Variants in ROBO2 observed in about 807,000 individuals in gnomAD.
ROBO2 encodes the protein roundabout guidance receptor 2.
ROBO2 carries 53 observed loss-of-function variants against 160.8 expected under a neutral mutation model. That is an observed-to-expected ratio of 0.33 (90% confidence interval 0.26 to 0.41). The LOEUF is 0.41. ROBO2 is among the 10% of genes least tolerant of loss of function. The pLI is 1.00. For missense variants in ROBO2, 1,577 were observed against 1,722.4 expected (o/e 0.92, Z 1.49); for synonymous variants, 664 against 611.7 (o/e 1.09, Z -1.26).
chr3:76,093,428 C>T (rs1315149162), intron 2 of ROBO2, among the ~76,000 whole-genome samples: 4 of 148,930 alleles, frequency 2.7e-5, no homozygotes, highest in Non-Finnish European at 5.9e-5. Context: ...CAAATATTTA[C>T]TAGCAGTCAC....
intron 2 of ROBO2, among the ~76,000 whole-genome samples, chr3:76,611,910 C>T (rs1487598786): frequency 6.6e-6 from 1 of 151,986 alleles, no homozygotes. Context: ...ATAAACTTTC[C>T]TCTTGGTACT....
intron 2 of ROBO2, among the ~76,000 whole-genome samples, chr3:75,945,581 TC>T (rs144022174): frequency 0.062 from 9,488 of 152,178 alleles, 743 homozygotes; most frequent in African/African-American, 0.19. Context: ...TTTGCTTTAT[TC>T]TCTTGCAATT....
intron 2 of ROBO2, among the ~76,000 whole-genome samples, chr3:75,982,461 C>T (rs1308771704): frequency 6.6e-6 from 1 of 151,478 alleles, no homozygotes; most frequent in Non-Finnish European, 1.5e-5. Context: ...TGAATAAAAG[C>T]CATTTTAACT....
chr3:77,441,337 T>C (rs1030690929), intron 2 of ROBO2, among the ~76,000 whole-genome samples: 1 of 151,770 alleles, frequency 6.6e-6, no homozygotes, highest in Non-Finnish European at 1.5e-5. Flanking sequence ...TGAAATATTA[T>C]TGTTTCATTT....
chr3:76,935,458 T>G (rs559113034), intron 2 of ROBO2, among the ~76,000 whole-genome samples: 5 of 152,248 alleles, frequency 3.3e-5, no homozygotes, highest in Non-Finnish European at 7.3e-5. Flanking sequence ...TGCATTTAGA[T>G]CTCATGTCTT....
intron 1 of ROBO2, among the ~76,000 whole-genome samples, chr3:77,048,949 T>C (rs950009601): frequency 1.3e-5 from 2 of 152,170 alleles, no homozygotes; most frequent in African/African-American, 2.4e-5. Context: ...TTCCAAGGTC[T>C]CCATGAACCT....
chr3:77,211,692 G>T (rs1371681206), intron 2 of ROBO2, among the ~76,000 whole-genome samples: 2 of 152,120 alleles, frequency 1.3e-5, no homozygotes, highest in East Asian at 1.9e-4. Context: ...TTCTTCTAGG[G>T]TTTTTATGGT....
chr3:76,701,887 G>A (rs114528095), intron 2 of ROBO2, among the ~76,000 whole-genome samples: 4 of 150,382 alleles, frequency 2.7e-5, no homozygotes, highest in African/African-American at 4.9e-5. Context: ...TATGTTTAAA[G>A]AAGTTGTTCG....
At chr3:76,437,228 TAAGGAAAAACATTTTATATA>T (rs2076722674) in intron 2 of ROBO2, among the ~76,000 whole-genome samples, 1 of 152,168 alleles carries the variant, frequency 6.6e-6, no homozygotes. Flanking sequence ...TTTGGTATTT[TAAGGAAAAACATTTTATATA>T]AAGGAATCAC....
intron 8 of ROBO2, among the ~76,000 whole-genome samples, chr3:77,556,880 A>C (rs1410514603): frequency 6.6e-6 from 1 of 151,876 alleles, no homozygotes; most frequent in Admixed American, 6.6e-5. Flanking sequence ...ATAATTAACC[A>C]AAGTCTATGC....
chr3:77,595,562 A>G (rs1269551259), intron 18 of ROBO2, among the ~76,000 whole-genome samples: 2 of 152,200 alleles, frequency 1.3e-5, no homozygotes, highest in Non-Finnish European at 2.9e-5. Context: ...CACAAAGTAA[A>G]TGATTCATGG....
chr3:77,434,431 A>G (rs759282320), intron 2 of ROBO2, among the ~76,000 whole-genome samples: 4 of 152,152 alleles, frequency 2.6e-5, no homozygotes, highest in Non-Finnish European at 4.4e-5. Flanking sequence ...AGAGCTGTAT[A>G]GTTCTGTTTA....
chr3:77,544,920 TG>T (rs753679492), intron 6 of ROBO2, among the ~76,000 whole-genome samples: 60 of 152,112 alleles, frequency 3.9e-4, no homozygotes, highest in Non-Finnish European at 7.8e-4. Context: ...CCAATGATAC[TG>T]CCTACTGTCT....
At chr3:77,460,990 A>C (rs879544404) in intron 2 of ROBO2, among the ~76,000 whole-genome samples, 4 of 152,176 alleles carry the variant, frequency 2.6e-5, no homozygotes, top group African/African-American at 4.8e-5. Context: ...AATATTGAAA[A>C]GGAAATAATG....
chr3:77,460,152 G>A (rs527450822), intron 2 of ROBO2, among the ~76,000 whole-genome samples: 76 of 152,118 alleles, frequency 5.0e-4, no homozygotes, highest in African/African-American at 1.8e-3. Flanking sequence ...AGGAAAATCG[G>A]GTGGATTCTG....
intron 2 of ROBO2, among the ~76,000 whole-genome samples, chr3:76,650,331 C>G (rs550079908): frequency 6.6e-6 from 1 of 152,078 alleles, no homozygotes; most frequent in Admixed American, 6.6e-5. Flanking sequence ...AGACAGCGTG[C>G]CTTCGTTCTT....
At chr3:76,732,997 G>GT (rs879689312) in intron 2 of ROBO2, among the ~76,000 whole-genome samples, 1 of 130,232 alleles carries the variant, frequency 7.7e-6, no homozygotes, top group Non-Finnish European at 1.6e-5. Context: ...CTGGGGGTGG[G>GT]GGGGGGAGGT....
intron 2 of ROBO2, among the ~76,000 whole-genome samples, chr3:76,462,080 A>G (rs2078116353): frequency 6.6e-6 from 1 of 152,182 alleles, no homozygotes; most frequent in African/African-American, 2.4e-5. Context: ...TTTTATGTCT[A>G]TATGTGACTC....
chr3:76,939,832 G>T (rs1462017867), intron 2 of ROBO2, among the ~76,000 whole-genome samples: 2 of 152,052 alleles, frequency 1.3e-5, no homozygotes, highest in Non-Finnish European at 2.9e-5. Flanking sequence ...TTACCTTTAT[G>T]CACCACAACT....
Sources: allele counts gnomAD v4.1 joint callset (sites outside exome capture counted in the v4.1 genomes callset), GRCh38; gene constraint gnomAD v4.1.1; transcripts MANE v1.5; gene names NCBI Gene and HGNC (gene_info 2026-07-23, HGNC 2026-07-21).